The following LAMA3 variants were observed in gnomAD, a reference collection of about 807,000 sequenced individuals.
LAMA3 encodes laminin subunit alpha 3, also known as laminin subunit alpha-3.
LAMA3 carries 281 observed loss-of-function variants against 402.0 expected under a neutral mutation model. The observed-to-expected ratio is 0.70, with a 90% CI of 0.63 to 0.77. The LOEUF is 0.77. LAMA3 is among the 30% of genes least tolerant of loss of function. The pLI is 0.00. For synonymous variants in LAMA3, 1,431 were observed against 1,558.4 expected, an observed-to-expected ratio of 0.92 and a Z score of 1.93; for missense variants, 3,840 against 4,215.5, an observed-to-expected ratio of 0.91 and a Z score of 2.47.
rs760581921 is a variant in LAMA3 at position 23,758,481 on chromosome 18, G to A, written c.1033G>A (p.Ala345Thr). Residue 345 changes from alanine to threonine, a missense_variant, in exon 7 of 75, where the codon GCC becomes ACC. Around this residue, in one of 3 missense-constraint regions of LAMA3, gnomAD observed 2,109 missense variants for 2,376.0 expected, o/e 0.89. Coordinates refer to ENST00000313654, the MANE Select transcript of LAMA3 (RefSeq NM_198129.4). The part of the protein sequence containing the change: ...TGYNQRRWRP[A>T]AWEQSHECEA... ...GTACAATCAGAGGCGCTGGCGGCCC[G>A]CCGCTTGGGAGCAGAGCCACGAGTG... The A allele has an allele frequency of 2.5e-6, 4 of 1,613,904 alleles. No individual in the cohort carries two copies. Among genetic ancestry groups the A allele is most frequent in the South Asian group, 1.1e-5 (1 of 91,078 alleles).
intron 66 of LAMA3, among the ~76,000 whole-genome samples, chr18:23,933,295 G>A (rs2082220725): frequency 6.6e-6 from 1 of 152,120 alleles, no homozygotes; most frequent in South Asian, 2.1e-4. Flanking sequence ...GTCAATAAAG[G>A]TTTCTTGGGC....
intron 32 of LAMA3, among the ~76,000 whole-genome samples, chr18:23,857,163 C>G (rs2064100991): frequency 6.6e-6 from 1 of 152,180 alleles, no homozygotes; most frequent in Non-Finnish European, 1.5e-5. Flanking sequence ...AAAGAACTTG[C>G]TAAGATGGTG....
At chr18:23,705,322 G>A (rs1473127607) in intron 1 of LAMA3, among the ~76,000 whole-genome samples, 2 of 152,058 alleles carry the variant, frequency 1.3e-5, no homozygotes, top group African/African-American at 4.8e-5. Flanking sequence ...CAGGCACGGA[G>A]TTAGATTATG....
intron 2 of LAMA3, among the ~76,000 whole-genome samples, chr18:23,737,568 G>C (rs1287677663): frequency 1.3e-5 from 2 of 152,252 alleles, no homozygotes; most frequent in Non-Finnish European, 2.9e-5. Flanking sequence ...TGATCCAAGA[G>C]TTCACCTGGG....
intron 7 of LAMA3, among the ~76,000 whole-genome samples, chr18:23,762,485 A>G (rs554233937): frequency 6.6e-6 from 1 of 151,684 alleles, no homozygotes; most frequent in South Asian, 2.1e-4. Flanking sequence ...GCTACTTGGG[A>G]GGCTGAGGTG....
chr18:23,741,041 C>T (rs1445132199), intron 2 of LAMA3, among the ~76,000 whole-genome samples: 1 of 151,992 alleles, frequency 6.6e-6, no homozygotes, highest in East Asian at 1.9e-4. Flanking sequence ...GCAAGCTCCA[C>T]CTCCCAGGTT....
intron 32 of LAMA3, among the ~76,000 whole-genome samples, chr18:23,856,897 C>T (rs1359509234): frequency 6.6e-6 from 1 of 152,146 alleles, no homozygotes; most frequent in Non-Finnish European, 1.5e-5. Flanking sequence ...AGGTTAGCCC[C>T]CAGTCTCTCT....
intron 6 of LAMA3, among the ~76,000 whole-genome samples, chr18:23,757,051 G>A (rs2061861178): frequency 1.3e-5 from 2 of 151,668 alleles, no homozygotes; most frequent in African/African-American, 2.4e-5. Flanking sequence ...ACAACGCCAG[G>A]CTGGGCGTCT....
intron 44 of LAMA3, among the ~76,000 whole-genome samples, chr18:23,897,048 T>TGA: frequency 6.6e-6 from 1 of 152,148 alleles, no homozygotes; most frequent in South Asian, 2.1e-4. Flanking sequence ...CTTTGCAGAA[T>TGA]GACACCCAAT....
intron 6 of LAMA3, among the ~76,000 whole-genome samples, chr18:23,754,935 A>G (rs984650007): frequency 6.6e-6 from 1 of 152,194 alleles, no homozygotes; most frequent in Admixed American, 6.5e-5. Context: ...CTAGTTCTCA[A>G]GGTCTGTGAT....
intron 5 of LAMA3, among the ~76,000 whole-genome samples, chr18:23,751,398 A>G (rs2061750518): frequency 6.6e-6 from 1 of 152,210 alleles, no homozygotes; most frequent in South Asian, 2.1e-4. Flanking sequence ...GCTTAACAAA[A>G]TAAAGCTTTG....
intron 64 of LAMA3, among the ~76,000 whole-genome samples, 176 bp downstream of exon 64, chr18:23,928,941 C>T (rs1385614796): frequency 1.3e-5 from 2 of 152,198 alleles, no homozygotes; most frequent in Non-Finnish European, 2.9e-5. Context: ...GGTAGGTCCT[C>T]AAAGAAATCA....
intron 25 of LAMA3, chr18:23,837,424 C>CT (rs1021047404): frequency 3.8e-4 from 90 of 238,886 alleles, no homozygotes; most frequent in African/African-American, 2.0e-3. Context: ...AATCCCATTG[C>CT]TTATTGTTTA....
At chr18:23,904,143 T>G in intron 50 of LAMA3, 56 bp downstream of exon 50, 1 of 1,602,490 alleles carries the variant, frequency 6.2e-7, no homozygotes, top group Non-Finnish European at 8.5e-7. Context: ...CAGCAGCTTG[T>G]CCTGAGACAA....
At chr18:23,917,597 T>G (rs1157258642) in intron 60 of LAMA3, among the ~76,000 whole-genome samples, 1 of 152,230 alleles carries the variant, frequency 6.6e-6, no homozygotes, top group African/African-American at 2.4e-5. Flanking sequence ...TTGTTTTGAT[T>G]TGCATTTCTC....
intron 6 of LAMA3, among the ~76,000 whole-genome samples, chr18:23,756,944 C>T (rs1426284597): frequency 2.6e-5 from 3 of 117,318 alleles, no homozygotes; most frequent in Non-Finnish European, 3.7e-5. Flanking sequence ...CCACTCCCTT[C>T]CCCCGCCCCG....
At position 23,912,738 on chromosome 18, in the gene LAMA3, A is replaced by G; in HGVS notation, c.7186A>G (p.Lys2396Glu). The change falls in exon 56 of 75, where the codon AAA (lysine) becomes GAA (glutamate). Residue 2396 changes from lysine (K) to glutamate (E), a missense_variant. Physicochemically the swap from Lys to Glu is moderately conservative, Grantham distance 56 (BLOSUM62 1). Transcript: ENST00000313654. ...KVAVPMRFNG[K>E]SGVEVRLPND... is the part of the protein sequence containing the mutation. ...TGCTGTCCCCATGAGGTTCAATGGT[A>G]AATCTGGAGTCGAAGTCCGACTGCC... 1 of 1,614,174 alleles carries G rather than the reference A, an allele frequency of 6.2e-7. No homozygotes were observed. Among genetic ancestry groups the G allele is most frequent in the Non-Finnish European group, 8.5e-7 (1 of 1,179,992 alleles).
Position 23,840,377 on chromosome 18 carries a change from C to CTTTTTTTTT in LAMA3, c.3336+451_3336+452insTTTTTTTTT, listed in dbSNP as rs201657216. 5.0e-5 allele frequency among the ~76,000 whole-genome samples: 4 copies of CTTTTTTTTT among 79,514 alleles called. 2 individuals are homozygous for CTTTTTTTTT. The highest frequency in any genetic ancestry group is 1.2e-4 in the African/African-American group (2 of 17,258). 52.2% of individuals were successfully genotyped at this position (79,514 alleles called of 152,430 possible). A position where few individuals can be genotyped will look rare whatever the true frequency, so the allele number is the denominator to read the frequency against. ...ATAGTTATTGTAGCCAAGAACCTTT[C>CTTTTTTTTT]TTTCTTTTTTTTTTTTTTTTTTTGA... On this transcript the variant is annotated intron_variant, in intron 27 of 74. Coordinates refer to ENST00000313654, the MANE Select transcript of LAMA3 (RefSeq NM_198129.4).
At chr18:23,837,807 A>G (rs2063617706) in intron 25 of LAMA3, among the ~76,000 whole-genome samples, 1 of 152,006 alleles carries the variant, frequency 6.6e-6, no homozygotes, top group Non-Finnish European at 1.5e-5. Context: ...CTACGCATGC[A>G]TCACACCCTG....
Sources: allele counts gnomAD v4.1 joint callset (sites outside exome capture counted in the v4.1 genomes callset), GRCh38; gene constraint gnomAD v4.1.1; regional missense constraint gnomAD v4.1.1; transcripts MANE v1.5; gene names NCBI Gene and HGNC (gene_info 2026-07-23, HGNC 2026-07-21).